MCM5: variants seen among roughly 807,000 people sequenced by gnomAD.
The protein encoded by MCM5 is minichromosome maintenance complex component 5.
Under a neutral mutation model 79.9 loss-of-function variants are expected in MCM5, and 46 were observed. The observed-to-expected ratio is 0.58, with a 90% CI of 0.45 to 0.74. The LOEUF (loss-of-function observed/expected upper bound fraction) is 0.74. Ranked by LOEUF, MCM5 falls within the 30% of genes least tolerant of loss-of-function variation. MCM5 has a pLI of 0.00. For synonymous variants in MCM5, 404 were observed against 390.5 expected (o/e 1.03, Z -0.41); for missense variants, 883 against 1,017.0 (o/e 0.87, Z 1.79).
Position 35,424,350 on chromosome 22 carries a change from C to G in MCM5, c.*95C>G, listed in dbSNP as rs979218617. 2 of 885,602 alleles carry G rather than the reference C, an allele frequency of 2.3e-6. No individual in the cohort carries two copies. The highest frequency in any genetic ancestry group is 3.4e-6 in the Non-Finnish European group (2 of 580,038). The allele number at this position is 885,602 out of a possible 1,614,324, so 54.9% of individuals were successfully genotyped here. A position where few individuals can be genotyped will look rare whatever the true frequency, so the allele number is the denominator to read the frequency against. ...AATGTTGCTGGGACCTCTGCCTCCC[C>G]ACTGCAGCCCTCGAACTTCCCAGGC... On this transcript the variant is annotated 3_prime_UTR_variant, in exon 17 of 17. Transcript: ENST00000216122.
At chr22:35,430,011 A>G (rs576694940), downstream of MCM5, among the ~76,000 whole-genome samples, 1 of 152,328 alleles carries the variant, frequency 6.6e-6, no homozygotes, top group African/African-American at 2.4e-5. Flanking sequence ...AAAGTCTTGC[A>G]TCCCAGGAGC....
chr22:35,417,933 C>T (rs950936272), intron 13 of MCM5, 77 bp downstream of exon 13: 1 of 953,040 alleles, frequency 1.0e-6, no homozygotes, highest in Non-Finnish European at 1.7e-6. Context: ...TCCCCTGGTC[C>T]TGCTCCTCCT....
chr22:35,405,020 ATTTTTT>A, intron 4 of MCM5, among the ~76,000 whole-genome samples: 1 of 114,336 alleles, frequency 8.7e-6, no homozygotes, highest in South Asian at 2.7e-4. Context: ...CTAGAGGCCA[ATTTTTT>A]TTTTTTTTTT....
In MCM5 at chr22:35,423,194, T is replaced by C; in HGVS notation, c.1976-20T>C. 6.5e-7 allele frequency: 1 copy of C among 1,543,068 alleles called. No homozygotes were observed. The highest frequency in any genetic ancestry group is 8.8e-7 in the Non-Finnish European group (1 of 1,137,010). ...CCATTGTCCCAGCTCCCCGGCTGCC[T>C]CACTTCTCCATGCCCACAGGGGTGG... On this transcript the variant is annotated intron_variant, in intron 15 of 16. Transcript: ENST00000216122.
At chr22:35,402,495 T>G (rs1317059345) in intron 2 of MCM5, among the ~76,000 whole-genome samples, 6 of 143,812 alleles carry the variant, frequency 4.2e-5, no homozygotes, top group Admixed American at 2.1e-4. Context: ...CCCGGCTAGG[T>G]TTTTTTTTTT....
At chr22:35,432,731 T>A in the MCM5 span, among the ~76,000 whole-genome samples, 1 of 150,716 alleles carries the variant, frequency 6.6e-6, no homozygotes. Context: ...GGGTGGTGGG[T>A]GAGAGGCTGG....
intron 15 of MCM5, 61 bp from the exon 16 acceptor site, chr22:35,423,153 C>A: frequency 6.7e-7 from 1 of 1,494,546 alleles, no homozygotes. Context: ...TAGAGGCTGT[C>A]TCTGTCCAAG....
At chr22:35,412,464 G>T (rs1932410362) in intron 7 of MCM5, 46 bp from the exon 8 acceptor site, 1 of 1,424,984 alleles carries the variant, frequency 7.0e-7, no homozygotes, top group African/African-American at 1.5e-5. Context: ...CAGTGGGCTG[G>T]AAGAGCTCCC....
At position 35,421,403 on chromosome 22, in the gene MCM5, G is replaced by C; in HGVS notation, c.1918G>C (p.Ala640Pro). The change falls in exon 15 of 17, where the codon GCC becomes CCC. Residue 640 changes from alanine to proline, a missense_variant. By Grantham distance (27) the Ala-to-Pro change is conservative. Transcript: ENST00000216122. The part of the protein sequence containing the change: ...PFATEADVEE[A>P]LRLFQVSTLD... ...CGCCACAGAGGCAGATGTGGAGGAG[G>C]CCCTGCGGCTCTTCCAAGTGTCCAC... The C allele has an allele frequency of 6.2e-7, 1 of 1,614,120 alleles. No individual in the cohort carries two copies. Among genetic ancestry groups the C allele is most frequent in the South Asian group, 1.1e-5 (1 of 91,090 alleles).
chr22:35,450,444 T>C, the MCM5 span, among the ~76,000 whole-genome samples: 299 of 152,164 alleles, frequency 2.0e-3, 3 homozygotes, highest in South Asian at 0.011. Context: ...CCCTCTCCCC[T>C]CCTGGGACAG....
intron 14 of MCM5, among the ~76,000 whole-genome samples, chr22:35,420,948 C>CA (rs1029329911): frequency 1.1e-4 from 16 of 151,882 alleles, no homozygotes; most frequent in Admixed American, 2.6e-4. Flanking sequence ...GGCAACATAG[C>CA]AAGACTCCCA....
Position 35,415,830 on chromosome 22 carries a change from TATAC to T in MCM5, c.1207_1210del (p.Tyr403ArgfsTer11), listed in dbSNP as rs1932523733. On this transcript the variant is annotated frameshift_variant and splice_region_variant, in exon 10 of 17. Transcript: ENST00000216122. LOFTEE classifies it high-confidence loss of function. ...CCTGACACCACCCCACTGCCCCAGGTATACACGTCTGGGAAAGGCAGCAGCGCAG... is the reference window on the plus strand; with the variant it reads ...CCTGACACCACCCCACTGCCCCAGGTACGTCTGGGAAAGGCAGCAGCGCAG... 3.7e-6 allele frequency: 6 copies of T among 1,612,396 alleles called. No homozygotes were observed.
intron 15 of MCM5, 93 bp downstream of exon 15, chr22:35,421,553 T>G: frequency 6.5e-7 from 1 of 1,549,616 alleles, no homozygotes; most frequent in Non-Finnish European, 8.9e-7. Context: ...GGGCCTGCAG[T>G]GTGTGTCTTG....
the MCM5 span, among the ~76,000 whole-genome samples, chr22:35,432,891 G>A: frequency 1.3e-5 from 2 of 152,092 alleles, no homozygotes; most frequent in Non-Finnish European, 2.9e-5. Flanking sequence ...GGCAGATGGT[G>A]GAGCCCAGGT....
At chr22:35,411,183 C>G (rs528765470) in intron 7 of MCM5, 4 of 286,198 alleles carry the variant, frequency 1.4e-5, no homozygotes, top group African/African-American at 8.6e-5. Context: ...GCCAAGTCTT[C>G]ACTTCTGTGA....
At chr22:35,410,676 G>T in intron 6 of MCM5, 68 bp from the exon 7 acceptor site, 1 of 1,483,118 alleles carries the variant, frequency 6.7e-7, no homozygotes, top group Non-Finnish European at 9.4e-7. Context: ...GGGCATGGGT[G>T]GAATCAGAGA....
At chr22:35,416,037 C>T in intron 10 of MCM5, 65 bp downstream of exon 10, 2 of 1,569,606 alleles carry the variant, frequency 1.3e-6, no homozygotes, top group Non-Finnish European at 1.7e-6. Context: ...ACTTCCTGTG[C>T]TCAGCCAGCA....
intron 10 of MCM5, 152 bp from the exon 11 acceptor site, chr22:35,416,187 G>T (rs942749842): frequency 1.2e-5 from 11 of 927,992 alleles, no homozygotes; most frequent in Non-Finnish European, 1.7e-5. Flanking sequence ...CCACACAGTT[G>T]TTCCCATGAT....
rs1932113962 is a variant in MCM5 at position 35,403,279 on chromosome 22, T to C, written c.240T>C (p.Phe80=). 1 of 1,613,956 alleles carries C rather than the reference T, an allele frequency of 6.2e-7. No homozygotes were observed. The highest frequency in any genetic ancestry group is 1.7e-5 in the Admixed American group (1 of 59,980). Residue 80 remains phenylalanine (F), a synonymous_variant, in exon 3 of 17, where the codon TTT becomes TTC. Transcript: ENST00000216122. ...TGGAGATGGAGGATCTGGCCAGCTT[T>C]GATGAGGACCTGGCCGACTACTTGT... ...IEVEMEDLAS[F]DEDLADYLYK...
Sources: gnomAD v4.1 joint callset for allele counts (sites outside exome capture counted in the v4.1 genomes callset) on GRCh38, gnomAD v4.1.1 for gene constraint, MANE v1.5 for transcripts, NCBI Gene and HGNC (gene_info 2026-07-23, HGNC 2026-07-21) for gene names.